PPM1E: variants seen among roughly 807,000 people sequenced by gnomAD.
The protein encoded by PPM1E is protein phosphatase 1E.
PPM1E carries 20 observed loss-of-function variants against 65.9 expected under a neutral mutation model. The ratio of observed to expected loss-of-function variants is 0.30; its 90% CI spans 0.21 to 0.44. PPM1E has a LOEUF of 0.44. Ranked by LOEUF, PPM1E falls within the 20% of genes least tolerant of loss-of-function variation. PPM1E has a pLI of 1.00. For synonymous variants in PPM1E, 352 were observed against 374.9 expected, an observed-to-expected ratio of 0.94 and a Z score of 0.70; for missense variants, 713 against 953.1, an observed-to-expected ratio of 0.75 and a Z score of 3.32.
chr17:58,802,230 A>G (rs2050265259), intron 1 of PPM1E, among the ~76,000 whole-genome samples: 1 of 152,158 alleles, frequency 6.6e-6, no homozygotes, highest in Non-Finnish European at 1.5e-5. Flanking sequence ...TAAGGGTCCA[A>G]CTTCATATTT....
chr17:58,761,373 C>T (rs2049819239), intron 1 of PPM1E, among the ~76,000 whole-genome samples: 1 of 152,098 alleles, frequency 6.6e-6, no homozygotes, highest in African/African-American at 2.4e-5. Flanking sequence ...TTTTTTACTC[C>T]ACATCCTTCA....
chr17:58,835,976 T>A (rs574454221), intron 1 of PPM1E: 1 of 152,216 alleles, frequency 6.6e-6, no homozygotes, highest in Admixed American at 6.5e-5. Flanking sequence ...CACACTCAAA[T>A]GTTACATATT....
intron 1 of PPM1E, among the ~76,000 whole-genome samples, chr17:58,850,734 T>G (rs1437175043): frequency 1.3e-5 from 2 of 152,214 alleles, no homozygotes; most frequent in African/African-American, 4.8e-5. Context: ...TCAACTTTGG[T>G]GAATCTGACA....
rs2031588097 is a variant in PPM1E, at chr17:58,984,290, C to CTGT, written c.*3262_*3264dup. ...GCATTTTCATGACAACCACACTCCA[C>CTGT]TGTTGAAACACTGTGCCAGTGAGAA... On this transcript the variant is annotated 3_prime_UTR_variant, in exon 7 of 7. Coordinates refer to ENST00000308249, the MANE Select transcript of PPM1E (RefSeq NM_014906.5). 6.6e-6 allele frequency: 1 copy of CTGT among 152,622 alleles called. No homozygotes were observed. The highest frequency in any genetic ancestry group is 1.5e-5 in the Non-Finnish European group (1 of 68,040). The allele number at this position is 152,622 out of a possible 1,614,324, so 9.5% of individuals were successfully genotyped here.
At chr17:58,796,389 G>T (rs1279372915) in intron 1 of PPM1E, among the ~76,000 whole-genome samples, 1 of 151,992 alleles carries the variant, frequency 6.6e-6, no homozygotes, top group Non-Finnish European at 1.5e-5. Context: ...AGAGACAGGG[G>T]CTCACTCAGT....
intron 1 of PPM1E, among the ~76,000 whole-genome samples, chr17:58,817,155 T>C (rs1421745486): frequency 6.6e-6 from 1 of 152,192 alleles, no homozygotes; most frequent in Admixed American, 6.5e-5. Context: ...ACATTTGATT[T>C]ATCCATTTAT....
chr17:58,831,561 A>G (rs1190895063), intron 1 of PPM1E, among the ~76,000 whole-genome samples: 1 of 152,164 alleles, frequency 6.6e-6, no homozygotes, highest in African/African-American at 2.4e-5. Context: ...GAAGAAAACT[A>G]TCTTAGGTAT....
At chr17:58,771,452 C>T (rs954237909) in intron 1 of PPM1E, among the ~76,000 whole-genome samples, 6 of 151,322 alleles carry the variant, frequency 4.0e-5, no homozygotes, top group Admixed American at 2.0e-4. Flanking sequence ...GGTGAAACCC[C>T]GTCTCTACTA....
At position 58,787,105 on chromosome 17, in the gene PPM1E, T is replaced by A. The variant is rs981151580; in HGVS notation, c.464+30644T>A. 8.5e-5 allele frequency among the ~76,000 whole-genome samples: 13 copies of A among 152,220 alleles called. 1 individual carries two copies. Among genetic ancestry groups the A allele is most frequent in the Admixed American group, 8.5e-4 (13 of 15,268 alleles). On this transcript the variant is annotated intron_variant, in intron 1 of 6. Coordinates refer to ENST00000308249, the MANE Select transcript of PPM1E (RefSeq NM_014906.5). ...TCAGGCAATGTGCCAAATAGTTGTG[T>A]GCATAATCATATTTAGTTCTTACTC...
At chr17:58,892,724 A>G (rs1199390677) in intron 1 of PPM1E, among the ~76,000 whole-genome samples, 3 of 152,258 alleles carry the variant, frequency 2.0e-5, no homozygotes, top group Admixed American at 2.0e-4. Flanking sequence ...GCCAAAATAT[A>G]CAAAGAACTC....
At chr17:58,952,970 G>A (rs921210646) in intron 1 of PPM1E, among the ~76,000 whole-genome samples, 2 of 152,032 alleles carry the variant, frequency 1.3e-5, no homozygotes, top group Non-Finnish European at 2.9e-5. Context: ...CACCACCCCC[G>A]ACCTGGAGTA....
chr17:58,889,372 A>G (rs4408596), intron 1 of PPM1E, among the ~76,000 whole-genome samples: 96,785 of 151,996 alleles, frequency 0.64, 31,196 homozygotes, highest in African/African-American at 0.71. Context: ...AGGCTGAGGC[A>G]GGCGAATCAC....
Position 58,983,025 on chromosome 17 carries a change from C to A in PPM1E, c.*1994C>A. On this transcript the variant is annotated 3_prime_UTR_variant, in exon 7 of 7. Coordinates refer to ENST00000308249, the MANE Select transcript of PPM1E (RefSeq NM_014906.5). ...AGCTTTTTAAAATTTCTATTGTTGT[C>A]TATTGGTAATGTTTTTGATCAGAAT... 9.4e-7 allele frequency: 1 copy of A among 1,061,008 alleles called. No individual in the cohort carries two copies. Among genetic ancestry groups the A allele is most frequent in the South Asian group, 1.5e-5 (1 of 67,426 alleles). The allele number at this position is 1,061,008 out of a possible 1,614,324, so 65.7% of individuals were successfully genotyped here.
At chr17:58,956,926 G>T (rs1214617081) in intron 2 of PPM1E, among the ~76,000 whole-genome samples, 1 of 152,172 alleles carries the variant, frequency 6.6e-6, no homozygotes, top group African/African-American at 2.4e-5. Flanking sequence ...TCTGTAGATT[G>T]TTTGTGACAG....
At chr17:58,853,041 T>C (rs2050844279) in intron 1 of PPM1E, among the ~76,000 whole-genome samples, 1 of 152,218 alleles carries the variant, frequency 6.6e-6, no homozygotes, top group African/African-American at 2.4e-5. Flanking sequence ...GTTCTCTCAT[T>C]CTGTGGGTTG....
At chr17:58,825,560 TTTG>T (rs529746618) in intron 1 of PPM1E, among the ~76,000 whole-genome samples, 6 of 151,988 alleles carry the variant, frequency 3.9e-5, no homozygotes, top group South Asian at 2.1e-4. Flanking sequence ...TCTGTTGTTT[TTTG>T]TTGTTGTTGT....
At chr17:58,803,237 G>A (rs547160977) in intron 1 of PPM1E, among the ~76,000 whole-genome samples, 2 of 152,206 alleles carry the variant, frequency 1.3e-5, no homozygotes, top group East Asian at 1.9e-4. Flanking sequence ...TGTATTATAC[G>A]AAGGTACATT....
At chr17:58,778,161 C>T (rs2050011811) in intron 1 of PPM1E, among the ~76,000 whole-genome samples, 1 of 151,510 alleles carries the variant, frequency 6.6e-6, no homozygotes, top group Non-Finnish European at 1.5e-5. Context: ...GTGCAGTGGC[C>T]TGATCTCGGC....
At chr17:58,875,995 G>A (rs1304138352) in intron 1 of PPM1E, among the ~76,000 whole-genome samples, 1 of 152,064 alleles carries the variant, frequency 6.6e-6, no homozygotes, top group Non-Finnish European at 1.5e-5. Context: ...GGATAAAAAG[G>A]GTTTATGTTT....
Sources: allele counts gnomAD v4.1 joint callset (sites outside exome capture counted in the v4.1 genomes callset), GRCh38; gene constraint gnomAD v4.1.1; transcripts MANE v1.5; gene names NCBI Gene and HGNC (gene_info 2026-07-23, HGNC 2026-07-21).